PPP2CB: variants seen among roughly 807,000 people sequenced by gnomAD.
PPP2CB encodes the protein serine/threonine-protein phosphatase 2A catalytic subunit beta isoform.
A neutral mutation model predicts 39.1 loss-of-function variants in PPP2CB; 18 were observed. That is an observed-to-expected ratio of 0.46 (90% confidence interval 0.32 to 0.68). The LOEUF is 0.68. PPP2CB is among the 30% of genes least tolerant of loss of function. The probability of loss-of-function intolerance (pLI) is 0.04; values close to 1 mark genes in which losing one functional copy is unlikely to be tolerated. For synonymous variants in PPP2CB, 129 were observed against 133.8 expected (o/e 0.96, Z 0.25); for missense variants, 226 against 396.9 (o/e 0.57, Z 3.66).
chr8:30,794,099 CAT>C (rs778760171), intron 4 of PPP2CB, 21 bp from the exon 5 acceptor site: 20 of 1,602,274 alleles, frequency 1.2e-5, no homozygotes, highest in Admixed American at 1.7e-5. Context: ...AAAATAAGTA[CAT>C]GTTACAAATT....
At chr8:30,790,304 T>C (rs1321294801) in intron 6 of PPP2CB, among the ~76,000 whole-genome samples, 3 of 152,230 alleles carry the variant, frequency 2.0e-5, no homozygotes, top group African/African-American at 4.8e-5. Context: ...GGGCTGACTG[T>C]GATCCCAGAA....
chr8:30,789,086 C>G (rs544108308), intron 6 of PPP2CB, among the ~76,000 whole-genome samples: 1 of 151,450 alleles, frequency 6.6e-6, no homozygotes, highest in East Asian at 1.9e-4. Context: ...TTTTGTTGCC[C>G]AGGCTGGACT....
intron 3 of PPP2CB, 101 bp from the exon 4 acceptor site, chr8:30,794,382 A>G (rs966447115): frequency 2.1e-6 from 2 of 959,980 alleles, no homozygotes; most frequent in African/African-American, 3.3e-5. Context: ...AATAGTGCCA[A>G]CATTTAAACA....
At chr8:30,800,204 T>C (rs1005602454) in intron 1 of PPP2CB, among the ~76,000 whole-genome samples, 7 of 152,252 alleles carry the variant, frequency 4.6e-5, no homozygotes, top group African/African-American at 1.2e-4. Flanking sequence ...TACAATGGAA[T>C]AGTCACTCAG....
At chr8:30,788,224 TAA>T (rs1806374531) in intron 6 of PPP2CB, among the ~76,000 whole-genome samples, 1 of 152,146 alleles carries the variant, frequency 6.6e-6, no homozygotes, top group African/African-American at 2.4e-5. Flanking sequence ...TCCTCAAGTA[TAA>T]AGATAGGTTA....
intron 1 of PPP2CB, 46 bp from the exon 2 acceptor site, chr8:30,799,801 T>G (rs1230534600): frequency 1.3e-6 from 2 of 1,547,620 alleles, no homozygotes; most frequent in Admixed American, 3.6e-5. Flanking sequence ...AAACTATCAT[T>G]TCTTATCTAT....
intron 6 of PPP2CB, among the ~76,000 whole-genome samples, chr8:30,788,244 CA>C (rs1330909615): frequency 1.3e-5 from 2 of 151,676 alleles, no homozygotes; most frequent in Admixed American, 6.6e-5. Flanking sequence ...TTACTGATTT[CA>C]AATCTTCTTG....
chr8:30,791,127 A>C (rs1347665716), intron 6 of PPP2CB, 70 bp downstream of exon 6: 2 of 1,071,036 alleles, frequency 1.9e-6, no homozygotes, highest in Non-Finnish European at 2.7e-6. Flanking sequence ...CAGAAACAGA[A>C]ATCTTCTATT....
At chr8:30,799,458 C>T in intron 2 of PPP2CB, 88 bp downstream of exon 2, 7 of 1,092,798 alleles carry the variant, frequency 6.4e-6, no homozygotes, top group South Asian at 1.5e-5. Flanking sequence ...ACTGAACAGA[C>T]CATAAAACAG....
At chr8:30,812,098 G>C (rs1806841843) in intron 1 of PPP2CB, among the ~76,000 whole-genome samples, 1 of 152,014 alleles carries the variant, frequency 6.6e-6, no homozygotes, top group Non-Finnish European at 1.5e-5. Context: ...CAGCCGGCCG[G>C]GGGCGTGAGG....
chr8:30,801,526 TCA>T (rs963551095), intron 1 of PPP2CB, among the ~76,000 whole-genome samples: 5 of 129,550 alleles, frequency 3.9e-5, no homozygotes, highest in African/African-American at 9.8e-5. Flanking sequence ...AGAGCAAAAC[TCA>T]GTCACAGAAA....
At chr8:30,811,738 G>C (rs1205903862) in intron 1 of PPP2CB, among the ~76,000 whole-genome samples, 1 of 152,084 alleles carries the variant, frequency 6.6e-6, no homozygotes, top group African/African-American at 2.4e-5. Flanking sequence ...CTGGGCTCAA[G>C]CAATCCTCCC....
intron 6 of PPP2CB, among the ~76,000 whole-genome samples, chr8:30,787,212 G>T (rs1389317351): frequency 6.6e-6 from 1 of 152,146 alleles, no homozygotes; most frequent in Non-Finnish European, 1.5e-5. Context: ...ATCTGTATTC[G>T]TAACAAATGC....
intron 6 of PPP2CB, among the ~76,000 whole-genome samples, chr8:30,789,600 A>T (rs1450469430): frequency 3.3e-5 from 5 of 152,180 alleles, no homozygotes; most frequent in Non-Finnish European, 1.5e-5. Context: ...TTGGGCATGC[A>T]CATATTCTGC....
rs1340623817 is a variant in PPP2CB, at chr8:30,794,854, C to T, written c.487-573G>A. On this transcript the variant is annotated intron_variant, in intron 3 of 6. Transcript: ENST00000221138. ...ACACTCTGATTCCTGTTACTGGCTA[C>T]AATAAATTTTCAGTTCCTTCATATT... is the stretch of plus-strand genomic sequence containing the variant. 2.6e-5 allele frequency among the ~76,000 whole-genome samples: 4 copies of T among 152,298 alleles called. No homozygotes were observed. The South Asian group carries it at 6.2e-4, about 24-fold the overall frequency.
chr8:30,794,564 C>T (rs111352407), intron 3 of PPP2CB: 4 of 275,756 alleles, frequency 1.5e-5, no homozygotes, highest in Admixed American at 6.1e-5. Flanking sequence ...TTCTTTCTTT[C>T]TTTTTTTTCT....
rs1806628654 is a variant in PPP2CB at position 30,801,569 on chromosome 8, TA to T, written c.103-1815del. 2.0e-5 allele frequency among the ~76,000 whole-genome samples: 3 copies of T among 151,120 alleles called. No homozygotes were observed. The South Asian group carries it at 6.3e-4, about 32-fold the overall frequency. On this transcript the variant is annotated intron_variant, in intron 1 of 6. Transcript: ENST00000221138. ...AAAAAAAGTCAAACAGGATGAAGCT[TA>T]AAGTAAAAGCAGATGACAGCTTAGA...
At chr8:30,797,541 C>T (rs1314812541) in intron 3 of PPP2CB, 40 bp downstream of exon 3, 2 of 1,534,848 alleles carry the variant, frequency 1.3e-6, no homozygotes, top group African/African-American at 2.8e-5. Context: ...TCTCTGCTTC[C>T]ATTTACCTCC....
At chr8:30,802,387 T>C (rs956993174) in intron 1 of PPP2CB, among the ~76,000 whole-genome samples, 1 of 152,152 alleles carries the variant, frequency 6.6e-6, no homozygotes, top group African/African-American at 2.4e-5. Context: ...GGAGATTATA[T>C]ACAGAAACAT....
Sources: allele counts gnomAD v4.1 joint callset (sites outside exome capture counted in the v4.1 genomes callset), GRCh38; gene constraint gnomAD v4.1.1; transcripts MANE v1.5; gene names NCBI Gene and HGNC (gene_info 2026-07-23, HGNC 2026-07-21).